Variants in DNAH11 observed in about 807,000 individuals in gnomAD.
DNAH11 encodes axonemal beta dynein heavy chain 11.
Under a neutral mutation model 526.0 loss-of-function variants are expected in DNAH11, and 442 were observed. That is an observed-to-expected ratio of 0.84 (90% confidence interval 0.78 to 0.91). The LOEUF (loss-of-function observed/expected upper bound fraction) is 0.91. DNAH11 is among the 40% of genes least tolerant of loss of function. The pLI is 0.00. For synonymous variants in DNAH11, 2,461 were observed against 1,935.9 expected (o/e 1.27, Z -7.12); for missense variants, 6,989 against 5,448.7 (o/e 1.28, Z -8.90).
In DNAH11 at chr7:21,615,174, C is replaced by T; in HGVS notation, c.3913C>T (p.Leu1305Phe). The T allele has an allele frequency of 6.2e-7, 1 of 1,612,980 alleles. No individual in the cohort carries two copies. The highest frequency in any genetic ancestry group is 8.5e-7 in the Non-Finnish European group (1 of 1,179,468). ...EMLQMQESTRLFEVALPEYKQ... is the reference protein window; with the variant it reads ...EMLQMQESTRFFEVALPEYKQ... Reference sequence around the variant, plus strand: ...GTTGCAGATGCAAGAATCTACTCGTCTTTTTGAAGTGGCTCTTCCAGAGTA... The same window carrying T: ...GTTGCAGATGCAAGAATCTACTCGTTTTTTTGAAGTGGCTCTTCCAGAGTA... The change falls in exon 21 of 82, where the codon CTT (leucine) becomes TTT (phenylalanine). Residue 1305 changes from leucine to phenylalanine, a missense_variant. By Grantham distance (22) the Leu-to-Phe change is conservative (BLOSUM62 0). Coordinates refer to ENST00000409508, the MANE Select transcript of DNAH11 (RefSeq NM_001277115.2).
In DNAH11 at chr7:21,738,759, TA is replaced by T; in HGVS notation, c.7710del (p.Lys2570AsnfsTer2). On this transcript the variant is annotated frameshift_variant, in exon 47 of 82. Transcript: ENST00000409508. LOFTEE classifies it high-confidence loss of function. Reference protein sequence around the residue: ...AGHNYGPGGNKKLIYFIDDMN... With the variant: ...AGHNYGPGGNXKLIYFIDDMN... Reference sequence around the variant, plus strand: ...GTCATAACTATGGTCCTGGAGGAAATAAAAAATTGATTTATTTTATCGACGA... The same window carrying T: ...GTCATAACTATGGTCCTGGAGGAAATAAAAATTGATTTATTTTATCGACGA... 6.3e-7 allele frequency: 1 copy of T among 1,589,770 alleles called. No individual in the cohort carries two copies. The highest frequency in any genetic ancestry group is 8.6e-7 in the Non-Finnish European group (1 of 1,167,280).
chr7:21,816,064 G>T (rs955327786), intron 63 of DNAH11, among the ~76,000 whole-genome samples: 9 of 152,092 alleles, frequency 5.9e-5, no homozygotes, highest in African/African-American at 1.9e-4. Flanking sequence ...AAAAAATGAA[G>T]TGCCTGAGCA....
intron 36 of DNAH11, 27 bp from the exon 37 acceptor site, chr7:21,702,683 G>A (rs1157732657): frequency 6.3e-7 from 1 of 1,598,704 alleles, no homozygotes; most frequent in South Asian, 1.1e-5. Context: ...TACAATTTTT[G>A]AGAAAATAAA....
chr7:21,549,287 C>T (rs145874660), intron 2 of DNAH11, among the ~76,000 whole-genome samples: 3 of 152,264 alleles, frequency 2.0e-5, no homozygotes, highest in Non-Finnish European at 4.4e-5. Context: ...GAAACAGAAC[C>T]ACCTGTGCCT....
chr7:21,895,648 CATT>C, intron 79 of DNAH11, among the ~76,000 whole-genome samples: 1 of 152,278 alleles, frequency 6.6e-6, no homozygotes, highest in African/African-American at 2.4e-5. Flanking sequence ...TTTCCTGAAT[CATT>C]ATTCCATGAA....
intron 61 of DNAH11, among the ~76,000 whole-genome samples, chr7:21,795,467 A>G (rs1257138195): frequency 6.6e-6 from 1 of 152,192 alleles, no homozygotes; most frequent in Non-Finnish European, 1.5e-5. Flanking sequence ...TCATCCTAAC[A>G]TGCGAACTCT....
intron 54 of DNAH11, among the ~76,000 whole-genome samples, chr7:21,760,197 G>A (rs1275061740): frequency 6.6e-6 from 1 of 152,148 alleles, no homozygotes; most frequent in Non-Finnish European, 1.5e-5. Flanking sequence ...GTTGAGTGAG[G>A]GAGAGGGCTT....
intron 68 of DNAH11, among the ~76,000 whole-genome samples, chr7:21,856,170 A>C (rs531734247): frequency 6.6e-6 from 1 of 152,264 alleles, no homozygotes; most frequent in South Asian, 2.1e-4. Flanking sequence ...TTTGTAGACC[A>C]CTGTGTGTGG....
intron 28 of DNAH11, among the ~76,000 whole-genome samples, chr7:21,645,938 G>T (rs972081745): frequency 6.6e-6 from 1 of 152,020 alleles, no homozygotes; most frequent in Non-Finnish European, 1.5e-5. Flanking sequence ...ACAAAAAAAT[G>T]GATAAATTTG....
At chr7:21,582,887 G>A (rs1487626933) in intron 9 of DNAH11, among the ~76,000 whole-genome samples, 2 of 152,108 alleles carry the variant, frequency 1.3e-5, no homozygotes, top group Admixed American at 1.3e-4. Flanking sequence ...TTTGACCTTC[G>A]AATGAATTGG....
At chr7:21,698,253 C>T in intron 36 of DNAH11, 40 bp downstream of exon 36, 1 of 1,605,522 alleles carries the variant, frequency 6.2e-7, no homozygotes, top group Non-Finnish European at 8.5e-7. Context: ...TTTTACATAC[C>T]ATTGAAAAAG....
Position 21,704,474 on chromosome 7 carries a change from T to C in DNAH11, c.6314T>C (p.Ile2105Thr), listed in dbSNP as rs1784186263. 1.9e-6 allele frequency: 3 copies of C among 1,613,726 alleles called. No homozygotes were observed. The highest frequency in any genetic ancestry group is 1.7e-6 in the Non-Finnish European group (2 of 1,179,804). Residue 2105 changes from isoleucine (I) to threonine (T), a missense_variant, in exon 38 of 82, where the codon ATA (isoleucine) becomes ACA (threonine). Physicochemically the swap from Ile to Thr is moderately conservative, Grantham distance 89. Coordinates refer to ENST00000409508, the MANE Select transcript of DNAH11 (RefSeq NM_001277115.2). Reference protein sequence around the residue: ...RALRDFNMPKIVTDDIPVFLG... With the variant: ...RALRDFNMPKTVTDDIPVFLG... ...TTAAGGGATTTCAATATGCCCAAAA[T>C]AGTGACTGACGACATCCCAGTGTTT...
chr7:21,617,377 T>C (rs1409495537), intron 22 of DNAH11, among the ~76,000 whole-genome samples: 2 of 152,200 alleles, frequency 1.3e-5, no homozygotes, highest in Admixed American at 1.3e-4. Flanking sequence ...TCATGGGACA[T>C]TCAGTTAGAT....
At chr7:21,583,157 G>T (rs943958728) in intron 9 of DNAH11, among the ~76,000 whole-genome samples, 8 of 152,122 alleles carry the variant, frequency 5.3e-5, no homozygotes, top group Admixed American at 5.2e-4. Flanking sequence ...GAACAAAGCT[G>T]GAGGCATCAT....
intron 42 of DNAH11, among the ~76,000 whole-genome samples, chr7:21,716,961 G>T (rs1230058272): frequency 6.6e-6 from 1 of 152,066 alleles, no homozygotes; most frequent in African/African-American, 2.4e-5. Context: ...GCAAGGTGTA[G>T]CTGAAATTGA....
chr7:21,619,080 A>G lies in DNAH11; in HGVS notation c.4255-20A>G, dbSNP rs768249249. On this transcript the variant is annotated intron_variant, in intron 23 of 81. Transcript: ENST00000409508. ...TCATATATGTGGAATATAAAGTCTA[A>G]CTTTTTTTCCCCCAATCAGGTCAAG... 1.2e-6 allele frequency: 2 copies of G among 1,613,002 alleles called. No homozygotes were observed. The highest frequency in any genetic ancestry group is 2.2e-5 in the South Asian group (2 of 91,036).
chr7:21,790,183 A>C (rs1321689719), intron 61 of DNAH11, among the ~76,000 whole-genome samples: 1 of 152,140 alleles, frequency 6.6e-6, no homozygotes, highest in African/African-American at 2.4e-5. Context: ...GCAGTGGCTC[A>C]CACCTGTAAT....
At chr7:21,575,420 G>C (rs570780393) in intron 8 of DNAH11, among the ~76,000 whole-genome samples, 2 of 152,278 alleles carry the variant, frequency 1.3e-5, no homozygotes, top group Non-Finnish European at 2.9e-5. Flanking sequence ...TAGTTCATCT[G>C]TACTAGGTTG....
chr7:21,665,960 C>G (rs1006698903), intron 30 of DNAH11, among the ~76,000 whole-genome samples: 5 of 152,100 alleles, frequency 3.3e-5, no homozygotes, highest in Admixed American at 6.6e-5. Context: ...ATGTAACCAT[C>G]TGCTGGAGTG....
Sources: gnomAD v4.1 joint callset for allele counts (sites outside exome capture counted in the v4.1 genomes callset) on GRCh38, gnomAD v4.1.1 for gene constraint, MANE v1.5 for transcripts, NCBI Gene and HGNC (gene_info 2026-07-23, HGNC 2026-07-21) for gene names.